Variants in NUMA1 observed in about 807,000 individuals in gnomAD.
NUMA1 encodes SP-H antigen.
Under a neutral mutation model 237.1 loss-of-function variants are expected in NUMA1, and 62 were observed. The observed-to-expected ratio is 0.26, with a 90% CI of 0.21 to 0.32. The LOEUF (loss-of-function observed/expected upper bound fraction) is 0.32. Ranked by LOEUF, NUMA1 falls within the 10% of genes least tolerant of loss-of-function variation. The pLI, the probability that NUMA1 is intolerant of heterozygous loss-of-function variation, is 1.00. For synonymous variants in NUMA1, 1,028 were observed against 1,066.1 expected, an observed-to-expected ratio of 0.96 and a Z score of 0.70; for missense variants, 2,533 against 2,666.5, an observed-to-expected ratio of 0.95 and a Z score of 1.10.
intron 13 of NUMA1, 29 bp downstream of exon 13, chr11:72,017,646 ATGTGGTCAAGAC>A: frequency 6.2e-7 from 1 of 1,610,446 alleles, no homozygotes; most frequent in East Asian, 2.2e-5. Context: ...AGCTTTGCAC[ATGTGGTCAAGAC>A]TGTGGCTGTG....
chr11:72,029,187 G>C lies in NUMA1; in HGVS notation c.128+18C>G, dbSNP rs764265018. 1.9e-6 allele frequency: 3 copies of C among 1,589,436 alleles called. No individual in the cohort carries two copies. The highest frequency in any genetic ancestry group is 2.6e-6 in the Non-Finnish European group (3 of 1,160,832). On this transcript the variant is annotated intron_variant, in intron 4 of 26. Coordinates refer to ENST00000393695, the MANE Select transcript of NUMA1 (RefSeq NM_006185.4). ...AGCTTTGCCTTAGAGGCTAGAAAGG[G>C]GTATGGTGCGTACTCACATTCTGTC... is the stretch of plus-strand genomic sequence containing the variant.
chr11:72,018,339 C>A, intron 11 of NUMA1, 39 bp from the exon 12 acceptor site: 1 of 1,608,648 alleles, frequency 6.2e-7, no homozygotes, highest in South Asian at 1.1e-5. Flanking sequence ...AGTATGGGTT[C>A]CTGGCTGGGT....
At chr11:72,017,528 TACTAG>T in intron 13 of NUMA1, 154 bp downstream of exon 13, 4 of 863,994 alleles carry the variant, frequency 4.6e-6, no homozygotes, top group Non-Finnish European at 7.6e-6. Flanking sequence ...AAAAAAGGTG[TACTAG>T]ACTGAAGCCC....
At chr11:72,017,539 A>G in intron 13 of NUMA1, 148 bp downstream of exon 13, 1 of 1,005,076 alleles carries the variant, frequency 9.9e-7, no homozygotes. Flanking sequence ...ACTAGACTGA[A>G]GCCCACAATC....
At position 72,014,705 on chromosome 11, in the gene NUMA1, G is replaced by T; in HGVS notation, c.2798C>A (p.Ala933Asp). 1.2e-6 allele frequency: 2 copies of T among 1,613,870 alleles called. No individual in the cohort carries two copies. Among genetic ancestry groups the T allele is most frequent in the Non-Finnish European group, 1.7e-6 (2 of 1,180,044 alleles). Residue 933 changes from alanine (A) to aspartate (D), a missense_variant, in exon 15 of 27, where the codon GCC (alanine) becomes GAC (aspartate). Around this residue, in one of 3 missense-constraint regions of NUMA1, gnomAD observed 1,414 missense variants for 1,508.1 expected, o/e 0.94. Coordinates refer to ENST00000393695, the MANE Select transcript of NUMA1 (RefSeq NM_006185.4). The surrounding 1 kb of genome is among the most constrained non-coding windows in gnomAD (Gnocchi z 4.6). The stretch of plus-strand genomic sequence containing the variant: ...AGGCTCCTTGACTAACTCCCGGGAG[G>T]CTGTTTCCTGCTGCTCACCTGCCTT... ...VRKAGEQQETASRELVKEPAR... is the reference protein window; with the variant it reads ...VRKAGEQQETDSRELVKEPAR...
intron 25 of NUMA1, 30 bp downstream of exon 25, chr11:72,004,195 C>T (rs375656055): frequency 1.5e-5 from 24 of 1,603,888 alleles, no homozygotes; most frequent in Middle Eastern, 1.7e-4. Context: ...GCCAGGGCGT[C>T]GCTTCATCCC....
Position 72,003,317 on chromosome 11 carries a change from C to G in NUMA1, c.*210G>C, listed in dbSNP as rs530190272. 3.3e-6 allele frequency: 2 copies of G among 603,636 alleles called. No individual in the cohort carries two copies. The highest frequency in any genetic ancestry group is 2.0e-5 in the South Asian group (1 of 48,864). The allele number at this position is 603,636 out of a possible 1,614,324, so 37.4% of individuals were successfully genotyped here. A position where few individuals can be genotyped will look rare whatever the true frequency, so the allele number is the denominator to read the frequency against. ...AAGGTAGGGAGAGCGCCCACACTGTCCATGCTCCAGGCCCCCTGGGCCAGC... is the reference window on the plus strand; with the variant it reads ...AAGGTAGGGAGAGCGCCCACACTGTGCATGCTCCAGGCCCCCTGGGCCAGC... On this transcript the variant is annotated 3_prime_UTR_variant, in exon 27 of 27. Coordinates refer to ENST00000393695, the MANE Select transcript of NUMA1 (RefSeq NM_006185.4).
chr11:72,077,143 AG>A (rs2136356653), intron 1 of NUMA1, among the ~76,000 whole-genome samples: 1 of 152,326 alleles, frequency 6.6e-6, no homozygotes, highest in East Asian at 1.9e-4. Context: ...AATAAGATGT[AG>A]ACGACAGAAT....
intron 2 of NUMA1, among the ~76,000 whole-genome samples, chr11:72,060,257 T>C (rs1942871018): frequency 6.6e-6 from 1 of 152,230 alleles, no homozygotes; most frequent in Non-Finnish European, 1.5e-5. Flanking sequence ...TGTCTATGGC[T>C]GCTTTTGTTC....
intron 2 of NUMA1, among the ~76,000 whole-genome samples, chr11:72,059,700 A>G (rs1942841855): frequency 6.6e-6 from 1 of 152,214 alleles, no homozygotes; most frequent in Admixed American, 6.5e-5. Context: ...CTGTATTGAT[A>G]ACACTGGCAG....
intron 2 of NUMA1, among the ~76,000 whole-genome samples, chr11:72,054,876 T>TTGTAAGGCC (rs1942553332): frequency 6.6e-6 from 1 of 152,166 alleles, no homozygotes; most frequent in Non-Finnish European, 1.5e-5. Flanking sequence ...TCATGCTTGC[T>TTGTAAGGCC]TGTAAGGCCT....
chr11:72,055,842 G>A (rs567319360), intron 2 of NUMA1, among the ~76,000 whole-genome samples: 15 of 151,120 alleles, frequency 9.9e-5, no homozygotes, highest in African/African-American at 3.2e-4. Flanking sequence ...TCAGCTGGGC[G>A]CGGAAGCTTA....
At chr11:72,006,821 G>A (rs1285681635) in intron 21 of NUMA1, among the ~76,000 whole-genome samples, 1 of 152,200 alleles carries the variant, frequency 6.6e-6, no homozygotes, top group Non-Finnish European at 1.5e-5. Flanking sequence ...CAAAGGCAAG[G>A]GCCTGTAGCC....
chr11:72,006,023 T>TA lies in NUMA1; in HGVS notation c.5692+11dup. On this transcript the variant is annotated intron_variant, in intron 22 of 26. Transcript: ENST00000393695. ...AATTTTGGGGTATAGTAAGTCCCTG[T>TA]AGTCCCCTCACCTGGAGGGGCCCCA... is the stretch of plus-strand genomic sequence containing the variant. 6.3e-7 allele frequency: 1 copy of TA among 1,599,612 alleles called. No individual in the cohort carries two copies. Among genetic ancestry groups the TA allele is most frequent in the Non-Finnish European group, 8.6e-7 (1 of 1,168,494 alleles).
rs763825431 is a variant in NUMA1, at chr11:72,023,124, G to A, written c.232C>T (p.Pro78Ser). Residue 78 changes from proline (P) to serine (S), a missense_variant, in exon 6 of 27, where the codon CCA (proline) becomes TCA (serine). Around this residue, in one of 3 missense-constraint regions of NUMA1, gnomAD observed 1,414 missense variants for 1,508.1 expected, o/e 0.94. Transcript: ENST00000393695. Reference protein sequence around the residue: ...LQKNRKHPSSPECLVSAQKVL... With the variant: ...LQKNRKHPSSSECLVSAQKVL... ...TTCTGTGCAGATACCAGGCATTCTG[G>A]GGAAGAGGGATGTTTTCGATTTTCT... is the stretch of plus-strand genomic sequence containing the variant. 1 of 1,613,690 alleles carries A rather than the reference G, an allele frequency of 6.2e-7. No individual in the cohort carries two copies. Among genetic ancestry groups the A allele is most frequent in the African/African-American group, 1.3e-5 (1 of 74,892 alleles).
intron 1 of NUMA1, among the ~76,000 whole-genome samples, chr11:72,077,561 T>TC: frequency 6.6e-6 from 1 of 152,046 alleles, no homozygotes; most frequent in Non-Finnish European, 1.5e-5. Context: ...ATGCCTATAA[T>TC]CCCAGCACTC....
chr11:72,003,401 G>A lies in NUMA1; in HGVS notation c.*126C>T, dbSNP rs1955394895. 1 of 933,380 alleles carries A rather than the reference G, an allele frequency of 1.1e-6. No homozygotes were observed. Among genetic ancestry groups the A allele is most frequent in the Non-Finnish European group, 1.8e-6 (1 of 568,014 alleles). 57.8% of individuals were successfully genotyped at this position (933,380 alleles called of 1,614,324 possible). A position where few individuals can be genotyped will look rare whatever the true frequency, so the allele number is the denominator to read the frequency against. The stretch of plus-strand genomic sequence containing the variant: ...GGCCAGGGTGCGGGCAGGCATCACT[G>A]TCTCTAGGGGTTTGGCTACTGTTGG... On this transcript the variant is annotated 3_prime_UTR_variant, in exon 27 of 27. Coordinates refer to ENST00000393695, the MANE Select transcript of NUMA1 (RefSeq NM_006185.4).
chr11:72,052,924 A>G (rs910430128), intron 2 of NUMA1, among the ~76,000 whole-genome samples: 17 of 152,236 alleles, frequency 1.1e-4, no homozygotes, highest in African/African-American at 4.1e-4. Flanking sequence ...GAAACTGTAT[A>G]AAGTACAGAC....
chr11:72,045,188 T>C (rs1011402527), intron 2 of NUMA1, among the ~76,000 whole-genome samples: 2 of 151,480 alleles, frequency 1.3e-5, no homozygotes, highest in African/African-American at 4.9e-5. Flanking sequence ...CATCTGGATG[T>C]CAGGTTTACA....
Sources: gnomAD v4.1 joint callset for allele counts (sites outside exome capture counted in the v4.1 genomes callset) on GRCh38, gnomAD v4.1.1 for gene constraint, gnomAD v4.1.1 regional missense constraint, Gnocchi (gnomAD v3.1) non-coding constraint, MANE v1.5 for transcripts, NCBI Gene and HGNC (gene_info 2026-07-23, HGNC 2026-07-21) for gene names.